FBXL17: variants seen among roughly 807,000 people sequenced by gnomAD.
FBXL17 encodes F-box/LRR-repeat protein 17.
FBXL17 carries 22 observed loss-of-function variants against 66.2 expected under a neutral mutation model. The ratio of observed to expected loss-of-function variants is 0.33; its 90% CI spans 0.24 to 0.47. The LOEUF is 0.47. Ranked by LOEUF, FBXL17 falls within the 20% of genes least tolerant of loss-of-function variation. The probability of loss-of-function intolerance (pLI) is 1.00; values close to 1 mark genes in which losing one functional copy is unlikely to be tolerated. For synonymous variants in FBXL17, 474 were observed against 400.5 expected (o/e 1.18, Z -2.19); for missense variants, 878 against 948.2 (o/e 0.93, Z 0.97).
chr5:108,243,640 C>A (rs1206067439), intron 4 of FBXL17, among the ~76,000 whole-genome samples: 2 of 152,070 alleles, frequency 1.3e-5, no homozygotes, highest in South Asian at 4.2e-4. Context: ...AGTAAAGAAA[C>A]CTTCTTCCGT....
intron 6 of FBXL17, among the ~76,000 whole-genome samples, chr5:108,096,901 A>G (rs1456943591): frequency 3.9e-5 from 6 of 152,212 alleles, no homozygotes; most frequent in Non-Finnish European, 7.3e-5. Context: ...GGTGTGTTGA[A>G]GAGTGAAAGA....
At chr5:108,008,638 T>C (rs1424651292) in intron 7 of FBXL17, among the ~76,000 whole-genome samples, 2 of 152,312 alleles carry the variant, frequency 1.3e-5, no homozygotes, top group Non-Finnish European at 1.5e-5. Context: ...TACTATAAGA[T>C]AGAAATAATT....
chr5:108,207,752 T>C, intron 5 of FBXL17, among the ~76,000 whole-genome samples: 1 of 152,228 alleles, frequency 6.6e-6, no homozygotes, highest in Non-Finnish European at 1.5e-5. Context: ...TTCCAAGTCT[T>C]TGCTATTGTG....
intron 5 of FBXL17, among the ~76,000 whole-genome samples, chr5:108,203,466 C>T (rs1476016950): frequency 6.6e-6 from 1 of 152,114 alleles, no homozygotes; most frequent in Non-Finnish European, 1.5e-5. Flanking sequence ...ATTCTCAACA[C>T]TTGATTTTTG....
chr5:108,082,693 A>C (rs1184433005), intron 6 of FBXL17, among the ~76,000 whole-genome samples: 2 of 152,220 alleles, frequency 1.3e-5, no homozygotes, highest in Admixed American at 6.5e-5. Context: ...CCCATTTTTA[A>C]AGCATCAAAA....
intron 7 of FBXL17, among the ~76,000 whole-genome samples, chr5:107,988,343 C>G (rs1158193511): frequency 6.6e-6 from 1 of 151,910 alleles, no homozygotes; most frequent in Non-Finnish European, 1.5e-5. Context: ...AACACTTTCC[C>G]TCCACTTTTG....
chr5:108,208,459 T>A (rs1754223657), intron 5 of FBXL17, among the ~76,000 whole-genome samples: 2 of 152,206 alleles, frequency 1.3e-5, no homozygotes, highest in Non-Finnish European at 2.9e-5. Context: ...TACGTTTAAG[T>A]CTTTCACCCA....
At chr5:108,019,557 C>A (rs1214937412) in intron 7 of FBXL17, among the ~76,000 whole-genome samples, 7 of 151,992 alleles carry the variant, frequency 4.6e-5, no homozygotes, top group Non-Finnish European at 7.4e-5. Context: ...ACTGGAAGAG[C>A]AGGTAATGAC....
chr5:107,984,582 C>T (rs1453555971), intron 7 of FBXL17, among the ~76,000 whole-genome samples: 1 of 152,114 alleles, frequency 6.6e-6, no homozygotes, highest in East Asian at 1.9e-4. Context: ...TTTACTTGCT[C>T]AAACCCACGC....
intron 6 of FBXL17, among the ~76,000 whole-genome samples, chr5:108,075,916 T>C (rs780693600): frequency 6.6e-6 from 1 of 152,260 alleles, no homozygotes; most frequent in Non-Finnish European, 1.5e-5. Context: ...ATTGTCTTTA[T>C]GATGCCAAAT....
At chr5:108,298,753 T>C (rs1758453942) in intron 4 of FBXL17, 1 of 756,922 alleles carries the variant, frequency 1.3e-6, no homozygotes, top group African/African-American at 1.9e-5. Context: ...AATCCATGTT[T>C]GTTTATTCAC....
At chr5:107,957,444 G>T (rs1751707732) in intron 7 of FBXL17, among the ~76,000 whole-genome samples, 1 of 152,054 alleles carries the variant, frequency 6.6e-6, no homozygotes, top group Non-Finnish European at 1.5e-5. Flanking sequence ...CTCACAAGAA[G>T]AGAAGCTTTA....
At chr5:108,221,872 G>C (rs1754880997) in intron 5 of FBXL17, among the ~76,000 whole-genome samples, 1 of 152,268 alleles carries the variant, frequency 6.6e-6, no homozygotes, top group South Asian at 2.1e-4. Context: ...ACCGATGCAT[G>C]TATAAAATGT....
chr5:107,991,997 G>T (rs964292255), intron 7 of FBXL17, among the ~76,000 whole-genome samples: 1 of 152,058 alleles, frequency 6.6e-6, no homozygotes, highest in Non-Finnish European at 1.5e-5. Flanking sequence ...TCTTTCAAAT[G>T]AAGTGAGGGG....
intron 7 of FBXL17, among the ~76,000 whole-genome samples, chr5:107,947,182 T>C (rs1233955578): frequency 6.6e-6 from 1 of 152,194 alleles, no homozygotes; most frequent in African/African-American, 2.4e-5. Context: ...TAAAGTACAA[T>C]GGCCTTTACC....
intron 4 of FBXL17, among the ~76,000 whole-genome samples, chr5:108,313,722 G>C (rs1759230025): frequency 6.6e-6 from 1 of 151,842 alleles, no homozygotes; most frequent in Admixed American, 6.6e-5. Context: ...TCAACAGCCT[G>C]AGTGACAAGG....
chr5:108,028,137 C>T (rs1754900302), intron 6 of FBXL17, among the ~76,000 whole-genome samples: 1 of 152,126 alleles, frequency 6.6e-6, no homozygotes, highest in African/African-American at 2.4e-5. Context: ...TTTAAAACTA[C>T]AATCTAGGTT....
intron 3 of FBXL17, among the ~76,000 whole-genome samples, chr5:108,348,840 T>C (rs1396825353): frequency 1.3e-5 from 2 of 152,210 alleles, no homozygotes. Context: ...GGTCTCACTG[T>C]GTCGCCCAGG....
At chr5:108,177,932 T>TATATATATATACACAC (rs1242739302) in intron 6 of FBXL17, among the ~76,000 whole-genome samples, 4 of 126,854 alleles carry the variant, frequency 3.2e-5, no homozygotes, top group Admixed American at 8.5e-5. Context: ...TATATATATA[T>TATATATATATACACAC]ACACACACAC....
Sources: allele counts gnomAD v4.1 joint callset (sites outside exome capture counted in the v4.1 genomes callset), GRCh38; gene constraint gnomAD v4.1.1; transcripts MANE v1.5; gene names NCBI Gene and HGNC (gene_info 2026-07-23, HGNC 2026-07-21).